The following COL21A1 variants were observed in gnomAD, a reference collection of about 807,000 sequenced individuals.
The protein encoded by COL21A1 is collagen type XXI alpha 1 chain.
A neutral mutation model predicts 137.9 loss-of-function variants in COL21A1; 149 were observed. The ratio of observed to expected loss-of-function variants is 1.08; its 90% CI spans 0.95 to 1.24. COL21A1 has a LOEUF of 1.24. Ranked by LOEUF, COL21A1 falls within the 50% of genes most tolerant of loss-of-function variation. COL21A1 has a pLI of 0.00. For missense variants in COL21A1, 1,167 were observed against 1,158.4 expected (o/e 1.01, Z -0.11); for synonymous variants, 456 against 391.5 (o/e 1.16, Z -1.95).
chr6:56,204,813 G>A (rs951630272), intron 1 of COL21A1, among the ~76,000 whole-genome samples: 18 of 152,164 alleles, frequency 1.2e-4, no homozygotes, highest in Non-Finnish European at 1.9e-4. Context: ...GTTCTGTAGC[G>A]TCCACTGGTG....
At chr6:56,139,926 C>T (rs146850651) in intron 12 of COL21A1, among the ~76,000 whole-genome samples, 101 of 152,168 alleles carry the variant, frequency 6.6e-4, no homozygotes, top group African/African-American at 2.3e-3. Flanking sequence ...TCCAATAATA[C>T]CCTAGATATA....
At chr6:56,298,774 G>T (rs1413312125) in intron 1 of COL21A1, among the ~76,000 whole-genome samples, 1 of 152,100 alleles carries the variant, frequency 6.6e-6, no homozygotes, top group Non-Finnish European at 1.5e-5. Flanking sequence ...AACAGCAACA[G>T]AGACCAGACG....
At chr6:56,277,958 T>G (rs1763706579) in intron 1 of COL21A1, among the ~76,000 whole-genome samples, 1 of 152,240 alleles carries the variant, frequency 6.6e-6, no homozygotes, top group African/African-American at 2.4e-5. Flanking sequence ...TATATAATTT[T>G]GGTCAACATT....
intron 1 of COL21A1, among the ~76,000 whole-genome samples, chr6:56,204,310 A>G (rs1925139): frequency 0.63 from 95,132 of 151,818 alleles, 30,116 homozygotes; most frequent in East Asian, 0.86. Context: ...AACATTGCTG[A>G]GACTTGAGTA....
chr6:56,232,731 A>G (rs1317775310), intron 1 of COL21A1, among the ~76,000 whole-genome samples: 2 of 151,940 alleles, frequency 1.3e-5, no homozygotes, highest in Non-Finnish European at 1.5e-5. Flanking sequence ...ACATCATCCA[A>G]ATGCTTTTCA....
At position 56,316,184 on chromosome 6, in the gene COL21A1, T is replaced by C. The variant is rs549862742; in HGVS notation, c.-39+77787A>G. ...TGGCTAAATCAAGTTACTTAATACATGTGTTGCCTCACATTCTTAACATTT... is the reference window on the plus strand; with the variant it reads ...TGGCTAAATCAAGTTACTTAATACACGTGTTGCCTCACATTCTTAACATTT... On this transcript the variant is annotated intron_variant, in intron 1 of 28. Transcript: ENST00000370819. 2.0e-3 allele frequency among the ~76,000 whole-genome samples: 304 copies of C among 152,270 alleles called. 1 individual carries two copies. Among genetic ancestry groups the C allele is most frequent in the African/African-American group, 6.9e-3 (289 of 41,584 alleles).
intron 1 of COL21A1, among the ~76,000 whole-genome samples, chr6:56,246,966 G>A (rs553202139): frequency 5.3e-5 from 8 of 152,282 alleles, no homozygotes; most frequent in South Asian, 4.1e-4. Context: ...TGCAGCAGCC[G>A]TAAAGAACCT....
chr6:56,338,506 G>T (rs962653160), intron 1 of COL21A1, among the ~76,000 whole-genome samples: 3 of 152,110 alleles, frequency 2.0e-5, no homozygotes, highest in African/African-American at 7.2e-5. Context: ...CTTTTGGGGT[G>T]GGGTCCCTGC....
intron 1 of COL21A1, among the ~76,000 whole-genome samples, chr6:56,363,834 G>C (rs1035622677): frequency 2.0e-5 from 3 of 152,170 alleles, no homozygotes; most frequent in Non-Finnish European, 2.9e-5. Flanking sequence ...CCTTGGAAGA[G>C]AACTACTTCA....
At chr6:56,215,661 T>C (rs895286455) in intron 1 of COL21A1, among the ~76,000 whole-genome samples, 1 of 152,074 alleles carries the variant, frequency 6.6e-6, no homozygotes, top group African/African-American at 2.4e-5. Flanking sequence ...CTTGAAGGGT[T>C]GTTAAGTAAA....
chr6:56,172,394 A>G (rs1777140022), intron 3 of COL21A1, among the ~76,000 whole-genome samples: 2 of 152,200 alleles, frequency 1.3e-5, no homozygotes, highest in Admixed American at 1.3e-4. Flanking sequence ...GAAAGGAAAG[A>G]AAAAACCTGC....
At chr6:56,175,248 T>A (rs959383919) in intron 3 of COL21A1, among the ~76,000 whole-genome samples, 23 of 152,098 alleles carry the variant, frequency 1.5e-4, no homozygotes, top group African/African-American at 5.5e-4. Flanking sequence ...CAAAGATACC[T>A]AATTTCACCA....
chr6:56,148,283 G>T (rs1172508482), intron 10 of COL21A1, among the ~76,000 whole-genome samples: 2 of 149,280 alleles, frequency 1.3e-5, no homozygotes, highest in Non-Finnish European at 3.0e-5. Flanking sequence ...CCAAGGGTAG[G>T]ATAGTTCATT....
intron 17 of COL21A1, among the ~76,000 whole-genome samples, chr6:56,083,796 A>G (rs957397386): frequency 1.3e-5 from 2 of 152,176 alleles, no homozygotes; most frequent in African/African-American, 4.8e-5. Context: ...TGGACTTACT[A>G]TAAGGCTAGT....
At chr6:56,096,699 A>G (rs1430789247) in intron 17 of COL21A1, among the ~76,000 whole-genome samples, 2 of 152,176 alleles carry the variant, frequency 1.3e-5, no homozygotes, top group Non-Finnish European at 2.9e-5. Flanking sequence ...GGGATGAATC[A>G]CCATTAAACT....
intron 1 of COL21A1, among the ~76,000 whole-genome samples, chr6:56,283,086 T>G (rs1763817759): frequency 6.6e-6 from 1 of 152,096 alleles, no homozygotes; most frequent in Non-Finnish European, 1.5e-5. Flanking sequence ...TCAAAAAAAT[T>G]TTAAGTAACT....
intron 12 of COL21A1, 115 bp from the exon 13 acceptor site, chr6:56,126,264 A>T: frequency 3.1e-6 from 2 of 650,816 alleles, no homozygotes; most frequent in South Asian, 3.9e-5. Flanking sequence ...ATCTGCAAAC[A>T]GTTAATTTCA....
At chr6:56,197,970 A>G (rs1779137818) in intron 1 of COL21A1, among the ~76,000 whole-genome samples, 1 of 152,096 alleles carries the variant, frequency 6.6e-6, no homozygotes, top group Non-Finnish European at 1.5e-5. Context: ...CATCAACTGA[A>G]GAATGAATAA....
intron 1 of COL21A1, among the ~76,000 whole-genome samples, chr6:56,183,464 T>C (rs1273591313): frequency 6.6e-6 from 1 of 152,164 alleles, no homozygotes; most frequent in Non-Finnish European, 1.5e-5. Context: ...GTGTAACAGA[T>C]TGGAAATCTG....
Sources: allele counts gnomAD v4.1 joint callset (sites outside exome capture counted in the v4.1 genomes callset), GRCh38; gene constraint gnomAD v4.1.1; transcripts MANE v1.5; gene names NCBI Gene and HGNC (gene_info 2026-07-23, HGNC 2026-07-21).